The following CRKL variants were observed in gnomAD, a reference collection of about 807,000 sequenced individuals.
The protein encoded by CRKL is CRK like proto-oncogene, adaptor protein.
CRKL carries 3 observed loss-of-function variants against 23.0 expected under a neutral mutation model. The observed-to-expected ratio is 0.13, with a 90% confidence interval of 0.06 to 0.34. The LOEUF (loss-of-function observed/expected upper bound fraction) is 0.34. CRKL is among the 10% of genes least tolerant of loss of function. The pLI is 1.00. For missense variants in CRKL, 256 were observed against 394.5 expected, an observed-to-expected ratio of 0.65 and a Z score of 2.97; for synonymous variants, 188 against 160.7, an observed-to-expected ratio of 1.17 and a Z score of -1.28.
At chr22:20,935,612 C>T (rs536762506) in intron 2 of CRKL, among the ~76,000 whole-genome samples, 20 of 151,312 alleles carry the variant, frequency 1.3e-4, no homozygotes, top group Non-Finnish European at 1.5e-4. Flanking sequence ...CTGCATCCTC[C>T]GCCTCCTGAG....
chr22:20,925,644 G>A (rs1011176828), intron 1 of CRKL, among the ~76,000 whole-genome samples: 2 of 152,192 alleles, frequency 1.3e-5, no homozygotes, highest in Admixed American at 1.3e-4. Context: ...TAACAAGTTG[G>A]GTGGGGCCAC....
intron 1 of CRKL, among the ~76,000 whole-genome samples, chr22:20,918,820 G>C (rs1601670498): frequency 6.6e-6 from 1 of 152,216 alleles, no homozygotes; most frequent in East Asian, 1.9e-4. Context: ...TCGATCTCTT[G>C]CCCTCGTGAT....
At chr22:20,938,791 T>C (rs1286494591) in intron 2 of CRKL, among the ~76,000 whole-genome samples, 1 of 152,176 alleles carries the variant, frequency 6.6e-6, no homozygotes. Context: ...CCCATGACTA[T>C]TTGTATGAAA....
At position 20,951,988 on chromosome 22, in the gene CRKL, C is replaced by A. The variant is rs1922296878; in HGVS notation, c.*2143C>A. The A allele has an allele frequency of 9.0e-6, 2 of 222,492 alleles. No individual in the cohort carries two copies. The highest frequency in any genetic ancestry group is 1.8e-5 in the Non-Finnish European group (2 of 111,420). 13.8% of individuals were successfully genotyped at this position (222,492 alleles called of 1,614,324 possible). A position where few individuals can be genotyped will look rare whatever the true frequency, so the allele number is the denominator to read the frequency against. On this transcript the variant is annotated 3_prime_UTR_variant, in exon 3 of 3. Coordinates refer to ENST00000354336, the MANE Select transcript of CRKL (RefSeq NM_005207.4). ...TGGCTTATTTTGGGTTCAGGCCTGG[C>A]GTAGCACCCACAAGTGGCAGACATA...
chr22:20,921,703 C>CT (rs1394444890), intron 1 of CRKL, among the ~76,000 whole-genome samples: 2 of 151,632 alleles, frequency 1.3e-5, no homozygotes, highest in Non-Finnish European at 2.9e-5. Context: ...TGTTTCTTTT[C>CT]TTTCTTTCTT....
At chr22:20,944,507 C>T (rs1921986238) in intron 2 of CRKL, among the ~76,000 whole-genome samples, 2 of 151,812 alleles carry the variant, frequency 1.3e-5, no homozygotes, top group Non-Finnish European at 1.5e-5. Flanking sequence ...CTGGTTCAAG[C>T]GATTCTCCTG....
chr22:20,945,363 C>T (rs574404931), intron 2 of CRKL, among the ~76,000 whole-genome samples: 31 of 128,156 alleles, frequency 2.4e-4, no homozygotes, highest in African/African-American at 7.9e-4. Flanking sequence ...TGATCTCGTA[C>T]CCTGCGACTT....
Position 20,950,561 on chromosome 22 carries a change from G to A in CRKL, c.*716G>A, listed in dbSNP as rs1283662434. The A allele has an allele frequency of 1.8e-5, 4 of 221,932 alleles. No homozygotes were observed. Among genetic ancestry groups the A allele is most frequent in the East Asian group, 6.6e-5 (1 of 15,106 alleles). 13.7% of individuals were successfully genotyped at this position (221,932 alleles called of 1,614,324 possible). A position where few individuals can be genotyped will look rare whatever the true frequency, so the allele number is the denominator to read the frequency against. ...CCCAAGTAGCTGGGACTGCAGGCGC[G>A]CACACCACGCCCAGCTAATTTTTGT... On this transcript the variant is annotated 3_prime_UTR_variant, in exon 3 of 3. Coordinates refer to ENST00000354336, the MANE Select transcript of CRKL (RefSeq NM_005207.4).
At position 20,927,513 on chromosome 22, in the gene CRKL, C is replaced by CT. The variant is rs1555919011; in HGVS notation, c.312-6249dup. The stretch of plus-strand genomic sequence containing the variant: ...GCCCAGCTGGAATTAAGTTTTCTAC[C>CT]TTTTTTTTTTTTTTTTTAACTGTGA... On this transcript the variant is annotated intron_variant, in intron 1 of 2. Coordinates refer to ENST00000354336, the MANE Select transcript of CRKL (RefSeq NM_005207.4). Among the ~76,000 whole-genome samples, 865 of 139,880 alleles carry CT rather than the reference C, an allele frequency of 6.2e-3. 6 individuals are homozygous for CT. Among genetic ancestry groups the CT allele is most frequent in the African/African-American group, 0.018 (676 of 37,820 alleles). 91.8% of individuals were successfully genotyped at this position (139,880 alleles called of 152,430 possible).
intron 1 of CRKL, among the ~76,000 whole-genome samples, chr22:20,926,056 A>G (rs920505245): frequency 7.9e-5 from 12 of 152,172 alleles, no homozygotes; most frequent in African/African-American, 2.9e-4. Context: ...GAAAGAGGAG[A>G]TGCTCTTCAA....
At position 20,917,990 on chromosome 22, in the gene CRKL, T is replaced by A. The variant is rs1180503338; in HGVS notation, c.56T>A (p.Val19Glu). Residue 19 changes from valine (V) to glutamate (E), a missense_variant, in exon 1 of 3, where the codon GTG (valine) becomes GAG (glutamate). By Grantham distance (121) the Val-to-Glu change is moderately radical. This residue lies in a region of CRKL where 85 missense variants were observed against 139.8 expected (regional missense o/e 0.61). Transcript: ENST00000354336. ...SDRSAWYMGP[V>E]SRQEAQTRLQ... ...CGCTCCGCCTGGTATATGGGGCCGG[T>A]GTCTCGCCAGGAGGCGCAGACCCGG... 6.2e-7 allele frequency: 1 copy of A among 1,614,140 alleles called. No homozygotes were observed. Among genetic ancestry groups the A allele is most frequent in the Non-Finnish European group, 8.5e-7 (1 of 1,180,026 alleles).
rs181635950 is a variant in CRKL, at chr22:20,928,168, A to G, written c.312-5611A>G. On this transcript the variant is annotated intron_variant, in intron 1 of 2. Transcript: ENST00000354336. ...TGAGACTCTGTCTCAAAAAAAAAGT[A>G]TATGTAAGCTGGGTGTGGTGGCATG... Among the ~76,000 whole-genome samples, 545 of 152,022 alleles carry G rather than the reference A, an allele frequency of 3.6e-3. 3 individuals are homozygous for G. Among genetic ancestry groups the G allele is most frequent in the Middle Eastern group, 6.8e-3 (2 of 292 alleles).
chr22:20,938,847 C>A lies in CRKL; in HGVS notation c.777+4603C>A, dbSNP rs528409457. Reference sequence around the variant, plus strand: ...ATGCAGCCTCACCTGTGCTTTTCCCCCATGGTGTGGCATAAGAAAACAATT... The same window carrying A: ...ATGCAGCCTCACCTGTGCTTTTCCCACATGGTGTGGCATAAGAAAACAATT... On this transcript the variant is annotated intron_variant, in intron 2 of 2. Coordinates refer to ENST00000354336, the MANE Select transcript of CRKL (RefSeq NM_005207.4). Among the ~76,000 whole-genome samples, 484 of 152,166 alleles carry A rather than the reference C, an allele frequency of 3.2e-3. 3 individuals carry two copies. The highest frequency in any genetic ancestry group is 5.6e-3 in the Non-Finnish European group (381 of 68,010).
Position 20,939,538 on chromosome 22 carries a change from G to A in CRKL, c.777+5294G>A, listed in dbSNP as rs957634815. ...TGGGATTACAGGCGTGAGCCACCGCGCCTGGCCCATAACAGTTTCATGAGG... is the reference window on the plus strand; with the variant it reads ...TGGGATTACAGGCGTGAGCCACCGCACCTGGCCCATAACAGTTTCATGAGG... On this transcript the variant is annotated intron_variant, in intron 2 of 2. Transcript: ENST00000354336. Among the ~76,000 whole-genome samples, 11 of 151,942 alleles carry A rather than the reference G, an allele frequency of 7.2e-5. 1 individual carries two copies. In the South Asian group the frequency reaches 1.9e-3, roughly 26 times the overall value.
intron 1 of CRKL, among the ~76,000 whole-genome samples, chr22:20,933,352 A>T (rs2147904030): frequency 6.6e-6 from 1 of 151,578 alleles, no homozygotes; most frequent in South Asian, 2.1e-4. Flanking sequence ...CCTGGGCAAC[A>T]GAACAAGACT....
intron 1 of CRKL, among the ~76,000 whole-genome samples, chr22:20,928,734 G>A (rs1333587605): frequency 1.4e-5 from 2 of 143,016 alleles, no homozygotes; most frequent in African/African-American, 5.2e-5. Flanking sequence ...GATCGCTTGA[G>A]CCTTGGAGGT....
At chr22:20,930,677 T>C (rs1176289028) in intron 1 of CRKL, among the ~76,000 whole-genome samples, 6 of 111,144 alleles carry the variant, frequency 5.4e-5, no homozygotes, top group African/African-American at 2.1e-4. Context: ...ACCACACGCC[T>C]GGCTTTTTTT....
intron 1 of CRKL, among the ~76,000 whole-genome samples, chr22:20,927,513 CT>C (rs1555919011): frequency 0.012 from 1,746 of 139,860 alleles, 19 homozygotes; most frequent in African/African-American, 0.022. Flanking sequence ...AGTTTTCTAC[CT>C]TTTTTTTTTT....
chr22:20,945,863 T>A (rs1425343135), intron 2 of CRKL, among the ~76,000 whole-genome samples: 1 of 152,206 alleles, frequency 6.6e-6, no homozygotes, highest in African/African-American at 2.4e-5. Flanking sequence ...ATTTGTTGAA[T>A]GACTAGAGGA....
Sources: allele counts gnomAD v4.1 joint callset (sites outside exome capture counted in the v4.1 genomes callset), GRCh38; gene constraint gnomAD v4.1.1; regional missense constraint gnomAD v4.1.1; transcripts MANE v1.5; gene names NCBI Gene and HGNC (gene_info 2026-07-23, HGNC 2026-07-21).